Variants in AGPAT4 observed in about 807,000 individuals in gnomAD.
The protein encoded by AGPAT4 is 1-acylglycerol-3-phosphate O-acyltransferase 4.
AGPAT4 carries 15 observed loss-of-function variants against 48.0 expected under a neutral mutation model. That is an observed-to-expected ratio of 0.31 (90% CI 0.21 to 0.48). The LOEUF (loss-of-function observed/expected upper bound fraction) is 0.48. AGPAT4 is among the 20% of genes least tolerant of loss of function. The probability of loss-of-function intolerance (pLI) is 0.99; values close to 1 mark genes in which losing one functional copy is unlikely to be tolerated. For missense variants in AGPAT4, 314 were observed against 482.5 expected (o/e 0.65, Z 3.27); for synonymous variants, 178 against 198.7 (o/e 0.90, Z 0.88).
chr6:161,175,540 A>T (rs1245080710), intron 2 of AGPAT4, among the ~76,000 whole-genome samples: 1 of 150,466 alleles, frequency 6.6e-6, no homozygotes, highest in Admixed American at 6.6e-5. Context: ...CTTCTCTCTT[A>T]GTCTTCTTAG....
chr6:161,194,444 TTGTGTG>T (rs34145722), intron 2 of AGPAT4, among the ~76,000 whole-genome samples: 32 of 148,824 alleles, frequency 2.2e-4, no homozygotes, highest in East Asian at 7.9e-4. Flanking sequence ...GTGTGTGTGT[TTGTGTG>T]TGTGTGTGTG....
At chr6:161,205,464 C>G (rs1583328072) in intron 2 of AGPAT4, among the ~76,000 whole-genome samples, 1 of 152,102 alleles carries the variant, frequency 6.6e-6, no homozygotes, top group Non-Finnish European at 1.5e-5. Flanking sequence ...AGGTCAAAAG[C>G]CTGAAAGAGC....
In AGPAT4 at chr6:161,272,618, C is replaced by T. The variant is rs754793222; in HGVS notation, c.-90+1320G>A. On this transcript the variant is annotated intron_variant, in intron 1 of 8. Transcript: ENST00000320285. This position sits in a 1 kb window ranked among gnomAD's most constrained non-coding sequence, Gnocchi z 4.2. Reference sequence around the variant, plus strand: ...TTTTTTCTGAATAACAGTTTTTCTCCCCATAGAGAATATTCAGAAGATGGA... The same window carrying T: ...TTTTTTCTGAATAACAGTTTTTCTCTCCATAGAGAATATTCAGAAGATGGA... Among the ~76,000 whole-genome samples the T allele has an allele frequency of 6.6e-6, 1 of 151,724 alleles. No individual in the cohort carries two copies. The highest frequency in any genetic ancestry group is 1.5e-5 in the Non-Finnish European group (1 of 67,976).
rs1054673916 is a variant in AGPAT4 at position 161,184,203 on chromosome 6, C to CT, written c.179-17787dup. ...GGAAGGCAGGTGTTGAAGCAGGCTA[C>CT]TGCAGTCAGCCCAACAGGGGTGGTG... On this transcript the variant is annotated intron_variant, in intron 2 of 8. Transcript: ENST00000320285. This position sits in a 1 kb window ranked among gnomAD's most constrained non-coding sequence, Gnocchi z 4.8. Among the ~76,000 whole-genome samples the CT allele has an allele frequency of 6.6e-6, 1 of 151,476 alleles. No individual in the cohort carries two copies. Among genetic ancestry groups the CT allele is most frequent in the African/African-American group, 2.4e-5 (1 of 41,198 alleles).
Position 161,240,515 on chromosome 6 carries a change from T to A in AGPAT4, c.-89-8213A>T, listed in dbSNP as rs1193799657. Among the ~76,000 whole-genome samples the A allele has an allele frequency of 6.6e-6, 1 of 152,178 alleles. No homozygotes were observed. The highest frequency in any genetic ancestry group is 6.5e-5 in the Admixed American group (1 of 15,282). ...GAGAAGATTCCCAAGTGGCCCAGGT[T>A]AACCAGACAAATAAAAGAAAATAAA... On this transcript the variant is annotated intron_variant, in intron 1 of 8. Transcript: ENST00000320285. This position sits in a 1 kb window ranked among gnomAD's most constrained non-coding sequence, Gnocchi z 5.5.
chr6:161,223,201 A>G lies in AGPAT4; in HGVS notation c.178+8835T>C, dbSNP rs1228998261. Among the ~76,000 whole-genome samples, 1 of 152,086 alleles carries G rather than the reference A, an allele frequency of 6.6e-6. No individual in the cohort carries two copies. On this transcript the variant is annotated intron_variant, in intron 2 of 8. Coordinates refer to ENST00000320285, the MANE Select transcript of AGPAT4 (RefSeq NM_020133.3). The surrounding 1 kb of genome is among the most constrained non-coding windows in gnomAD (Gnocchi z 6.3). ...TGCACCCCTCTCATCTCTGTTCTCC[A>G]GGTGCTGACCCCAGTGCCTGGCCCC...
chr6:161,139,882 A>G lies in AGPAT4; in HGVS notation c.844-262T>C, dbSNP rs1583273449. ...ACTGAGTGCAGGGCGTGGAGCATGA[A>G]CCCTGGCGCCAGGCCAGCCTGGGCT... On this transcript the variant is annotated intron_variant, in intron 7 of 8. Transcript: ENST00000320285. This position sits in a 1 kb window ranked among gnomAD's most constrained non-coding sequence, Gnocchi z 9.1. 6.6e-6 allele frequency among the ~76,000 whole-genome samples: 1 copy of G among 152,092 alleles called. No homozygotes were observed. The highest frequency in any genetic ancestry group is 2.4e-5 in the African/African-American group (1 of 41,420).
rs368097685 is a variant in AGPAT4 at position 161,200,376 on chromosome 6, G to A, written c.178+31660C>T. Among the ~76,000 whole-genome samples, 17 of 152,282 alleles carry A rather than the reference G, an allele frequency of 1.1e-4. No homozygotes were observed. The highest frequency in any genetic ancestry group is 4.2e-4 in the South Asian group (2 of 4,818). Reference sequence around the variant, plus strand: ...GGATGCACAGTAAATGATGGAGTGCGCTGTCTGAATTCAGAGAGTTTTATC... The same window carrying A: ...GGATGCACAGTAAATGATGGAGTGCACTGTCTGAATTCAGAGAGTTTTATC... On this transcript the variant is annotated intron_variant, in intron 2 of 8. Coordinates refer to ENST00000320285, the MANE Select transcript of AGPAT4 (RefSeq NM_020133.3). The surrounding 1 kb of genome is among the most constrained non-coding windows in gnomAD (Gnocchi z 5.5).
Position 161,189,488 on chromosome 6 carries a change from C to T in AGPAT4, c.179-23071G>A, listed in dbSNP as rs887447100. ...CACAGTGAGTGAGGCTCGTCACATGCGGAATTCACTTACTTACAACCTTAG... is the reference window on the plus strand; with the variant it reads ...CACAGTGAGTGAGGCTCGTCACATGTGGAATTCACTTACTTACAACCTTAG... On this transcript the variant is annotated intron_variant, in intron 2 of 8. Transcript: ENST00000320285. The surrounding 1 kb of genome is among the most constrained non-coding windows in gnomAD (Gnocchi z 5.3). Among the ~76,000 whole-genome samples, 6 of 152,184 alleles carry T rather than the reference C, an allele frequency of 3.9e-5. No individual in the cohort carries two copies. Among genetic ancestry groups the T allele is most frequent in the Non-Finnish European group, 5.9e-5 (4 of 68,030 alleles).
At position 161,189,743 on chromosome 6, in the gene AGPAT4, C is replaced by T. The variant is rs1225284932; in HGVS notation, c.179-23326G>A. On this transcript the variant is annotated intron_variant, in intron 2 of 8. Coordinates refer to ENST00000320285, the MANE Select transcript of AGPAT4 (RefSeq NM_020133.3). This position sits in a 1 kb window ranked among gnomAD's most constrained non-coding sequence, Gnocchi z 5.3. ...CCTTCCTCACCCACCGCCCTCCTAA[C>T]CCCTCTCTCCTCCACCCAAAAAAGG... Among the ~76,000 whole-genome samples, 1 of 152,180 alleles carries T rather than the reference C, an allele frequency of 6.6e-6. No homozygotes were observed. The highest frequency in any genetic ancestry group is 2.4e-5 in the African/African-American group (1 of 41,436).
intron 3 of AGPAT4, chr6:161,160,372 G>C (rs560565863): frequency 6.5e-6 from 1 of 153,396 alleles, no homozygotes; most frequent in African/African-American, 2.4e-5. Context: ...AAAATCTCAA[G>C]AGAGTCTCAA....
At position 161,144,640 on chromosome 6, in the gene AGPAT4, C is replaced by T. The variant is rs2114956686; in HGVS notation, c.843+1884G>A. ...TTTGTGTGGCTCTTTACAAAAGAGG[C>T]TCATTTTCTAAACCTTTTCTTAGCA... On this transcript the variant is annotated intron_variant, in intron 7 of 8. Transcript: ENST00000320285. The surrounding 1 kb of genome is among the most constrained non-coding windows in gnomAD (Gnocchi z 6.6). 2.6e-5 allele frequency among the ~76,000 whole-genome samples: 4 copies of T among 152,242 alleles called. 1 individual carries two copies. The highest frequency in any genetic ancestry group is 2.6e-4 in the Admixed American group (4 of 15,300).
chr6:161,158,412 G>A lies in AGPAT4; in HGVS notation c.349-4102C>T, dbSNP rs1269591840. The stretch of plus-strand genomic sequence containing the variant: ...GAAAGGATTTACTGATGAGTTAGAT[G>A]TATCAACAGATCTGTCTAGATACAA... On this transcript the variant is annotated intron_variant, in intron 3 of 8. Coordinates refer to ENST00000320285, the MANE Select transcript of AGPAT4 (RefSeq NM_020133.3). This position sits in a 1 kb window ranked among gnomAD's most constrained non-coding sequence, Gnocchi z 5.3. Among the ~76,000 whole-genome samples, 1 of 152,232 alleles carries A rather than the reference G, an allele frequency of 6.6e-6. No individual in the cohort carries two copies. The highest frequency in any genetic ancestry group is 1.5e-5 in the Non-Finnish European group (1 of 68,044).
In AGPAT4 at chr6:161,148,493, CT is replaced by C. The variant is rs1779500179; in HGVS notation, c.767+693del. Among the ~76,000 whole-genome samples the C allele has an allele frequency of 6.6e-6, 1 of 152,162 alleles. No individual in the cohort carries two copies. Among genetic ancestry groups the C allele is most frequent in the South Asian group, 2.1e-4 (1 of 4,834 alleles). Reference sequence around the variant, plus strand: ...TCTTGAATCAGAAGGTTATACGCCCCTGGATTAGTTCTCCATTAGTGGGCAT... The same window carrying C: ...TCTTGAATCAGAAGGTTATACGCCCCGGATTAGTTCTCCATTAGTGGGCAT... On this transcript the variant is annotated intron_variant, in intron 6 of 8. Coordinates refer to ENST00000320285, the MANE Select transcript of AGPAT4 (RefSeq NM_020133.3). The surrounding 1 kb of genome is among the most constrained non-coding windows in gnomAD (Gnocchi z 5.5).
chr6:161,251,142 A>G lies in AGPAT4; in HGVS notation c.-89-18840T>C, dbSNP rs1479833519. The stretch of plus-strand genomic sequence containing the variant: ...TTCTTATCCTGCAGAAAACTGATAA[A>G]TGTTCACTCATTTTATCTAGTTTTT... On this transcript the variant is annotated intron_variant, in intron 1 of 8. Transcript: ENST00000320285. The surrounding 1 kb of genome is among the most constrained non-coding windows in gnomAD (Gnocchi z 4.6). Among the ~76,000 whole-genome samples the G allele has an allele frequency of 6.6e-6, 1 of 152,190 alleles. No individual in the cohort carries two copies. The highest frequency in any genetic ancestry group is 1.9e-4 in the East Asian group (1 of 5,194).
At chr6:161,227,516 A>T (rs974133127) in intron 2 of AGPAT4, among the ~76,000 whole-genome samples, 2 of 152,194 alleles carry the variant, frequency 1.3e-5, no homozygotes, top group Non-Finnish European at 2.9e-5. Flanking sequence ...TCTAGTAATC[A>T]CATGACTTGC....
In AGPAT4 at chr6:161,261,681, G is replaced by C. The variant is rs1172310925; in HGVS notation, c.-90+12257C>G. On this transcript the variant is annotated intron_variant, in intron 1 of 8. Coordinates refer to ENST00000320285, the MANE Select transcript of AGPAT4 (RefSeq NM_020133.3). This position sits in a 1 kb window ranked among gnomAD's most constrained non-coding sequence, Gnocchi z 5.3. ...GTAAGCTACATTTGACATGGGACAA[G>C]TCAGTAATTGAGCTCTACCTCTTTT... is the stretch of plus-strand genomic sequence containing the variant. Among the ~76,000 whole-genome samples the C allele has an allele frequency of 6.6e-6, 1 of 152,228 alleles. No individual in the cohort carries two copies. Among genetic ancestry groups the C allele is most frequent in the Non-Finnish European group, 1.5e-5 (1 of 68,048 alleles).
chr6:161,234,543 A>G lies in AGPAT4; in HGVS notation c.-89-2241T>C, dbSNP rs1016355741. On this transcript the variant is annotated intron_variant, in intron 1 of 8. Coordinates refer to ENST00000320285, the MANE Select transcript of AGPAT4 (RefSeq NM_020133.3). The surrounding 1 kb of genome is among the most constrained non-coding windows in gnomAD (Gnocchi z 4.4). ...GGCGTTAAGCTGGCAGCCCCCGCTC[A>G]GTGCACTTGACTTTGGGAGCCACAT... Among the ~76,000 whole-genome samples, 8 of 152,196 alleles carry G rather than the reference A, an allele frequency of 5.3e-5. No homozygotes were observed. The highest frequency in any genetic ancestry group is 8.8e-5 in the Non-Finnish European group (6 of 68,032).
chr6:161,194,721 G>A (rs1451918049), intron 2 of AGPAT4, among the ~76,000 whole-genome samples: 1 of 152,112 alleles, frequency 6.6e-6, no homozygotes, highest in Non-Finnish European at 1.5e-5. Context: ...GTATGTGTAT[G>A]TGCATATGTG....
Sources: gnomAD v4.1 joint callset for allele counts (sites outside exome capture counted in the v4.1 genomes callset) on GRCh38, gnomAD v4.1.1 for gene constraint, Gnocchi (gnomAD v3.1) non-coding constraint, MANE v1.5 for transcripts, NCBI Gene and HGNC (gene_info 2026-07-23, HGNC 2026-07-21) for gene names.